Variants in MAMDC2 observed in about 807,000 individuals in gnomAD.
The protein encoded by MAMDC2 is MAM domain containing 2.
A neutral mutation model predicts 89.8 loss-of-function variants in MAMDC2; 57 were observed. That is an observed-to-expected ratio of 0.63 (90% CI 0.51 to 0.79). MAMDC2 has a LOEUF of 0.79. MAMDC2 is among the 30% of genes least tolerant of loss of function. The pLI is 0.00. For synonymous variants in MAMDC2, 313 were observed against 293.4 expected, an observed-to-expected ratio of 1.07 and a Z score of -0.68; for missense variants, 800 against 820.6, an observed-to-expected ratio of 0.97 and a Z score of 0.31.
intron 11 of MAMDC2, among the ~76,000 whole-genome samples, chr9:70,215,731 A>G (rs1427864968): frequency 6.6e-6 from 1 of 152,218 alleles, no homozygotes; most frequent in Non-Finnish European, 1.5e-5. Flanking sequence ...TCTTTGGGGC[A>G]GCGTCATTCC....
intron 11 of MAMDC2, among the ~76,000 whole-genome samples, chr9:70,181,936 T>G (rs1419325697): frequency 1.3e-5 from 2 of 152,168 alleles, no homozygotes; most frequent in African/African-American, 2.4e-5. Flanking sequence ...CTTTGCCAGT[T>G]TTCAAAGGGA....
chr9:70,166,323 A>G (rs1207474940), intron 9 of MAMDC2, among the ~76,000 whole-genome samples: 2 of 151,220 alleles, frequency 1.3e-5, no homozygotes, highest in African/African-American at 4.9e-5. Flanking sequence ...ATATACATAC[A>G]CATATATATA....
intron 11 of MAMDC2, among the ~76,000 whole-genome samples, chr9:70,199,448 C>G (rs2033050945): frequency 6.7e-6 from 1 of 149,598 alleles, no homozygotes; most frequent in Admixed American, 6.7e-5. Context: ...TCCAGTCTAT[C>G]ATTGTTGGAC....
chr9:70,128,075 C>T (rs141699347), intron 6 of MAMDC2, among the ~76,000 whole-genome samples: 100 of 152,354 alleles, frequency 6.6e-4, no homozygotes, highest in Admixed American at 1.9e-3. Context: ...CTAGTCTGAA[C>T]TATTCACTGG....
chr9:70,096,890 C>T (rs1286804777), intron 2 of MAMDC2, among the ~76,000 whole-genome samples: 2 of 152,164 alleles, frequency 1.3e-5, no homozygotes, highest in Non-Finnish European at 2.9e-5. Flanking sequence ...GTTGATGCTG[C>T]TGCCATGCGA....
At chr9:70,079,820 C>A (rs967495314) in intron 2 of MAMDC2, among the ~76,000 whole-genome samples, 2 of 152,152 alleles carry the variant, frequency 1.3e-5, no homozygotes, top group African/African-American at 2.4e-5. Context: ...GACAGGTGTG[C>A]CTTCGGCCTG....
At chr9:70,199,115 G>C (rs546679536) in intron 11 of MAMDC2, among the ~76,000 whole-genome samples, 5 of 149,888 alleles carry the variant, frequency 3.3e-5, no homozygotes, top group African/African-American at 1.2e-4. Flanking sequence ...GTACAGGTTA[G>C]TTACATATGT....
chr9:70,142,139 G>C (rs950305772), intron 8 of MAMDC2, among the ~76,000 whole-genome samples: 3 of 152,174 alleles, frequency 2.0e-5, no homozygotes, highest in Admixed American at 2.0e-4. Flanking sequence ...AGACAGAATA[G>C]AGGGAAGAAT....
intron 11 of MAMDC2, among the ~76,000 whole-genome samples, chr9:70,185,682 C>T (rs750361947): frequency 2.0e-5 from 3 of 152,146 alleles, no homozygotes; most frequent in Non-Finnish European, 2.9e-5. Context: ...TAGCACTGTC[C>T]GGGAAAAACT....
intron 2 of MAMDC2, among the ~76,000 whole-genome samples, chr9:70,060,233 A>G (rs570184616): frequency 6.6e-6 from 1 of 152,338 alleles, no homozygotes; most frequent in Admixed American, 6.5e-5. Context: ...CCTGTGCCCA[A>G]CACAGTGTTT....
At position 70,200,514 on chromosome 9, in the gene MAMDC2, A is replaced by G. The variant is rs533889349; in HGVS notation, c.1652-17823A>G. Among the ~76,000 whole-genome samples the G allele has an allele frequency of 8.6e-4, 131 of 151,990 alleles. 1 individual carries two copies. Among genetic ancestry groups the G allele is most frequent in the African/African-American group, 3.1e-3 (128 of 41,432 alleles). ...TCCTCCAGCTTTGTTCTTTTGGCTT[A>G]GGATTGACTTGGCGATGCGGGCTCT... On this transcript the variant is annotated intron_variant, in intron 11 of 13. Transcript: ENST00000377182.
At chr9:70,179,533 AAAT>A (rs1474274401) in intron 11 of MAMDC2, among the ~76,000 whole-genome samples, 3 of 132,894 alleles carry the variant, frequency 2.3e-5, no homozygotes, top group African/African-American at 8.1e-5. Context: ...CAAAAAAAAT[AAAT>A]AAATAAATAA....
chr9:70,108,613 T>C, intron 3 of MAMDC2, 131 bp downstream of exon 3: 1 of 727,668 alleles, frequency 1.4e-6, no homozygotes, highest in East Asian at 3.0e-5. Context: ...ATAAGATACA[T>C]ACCATAGAAG....
At chr9:70,217,388 A>G in intron 11 of MAMDC2, 1 of 1,331,530 alleles carries the variant, frequency 7.5e-7, no homozygotes, top group Middle Eastern at 2.1e-4. Context: ...GGAGAGTCGG[A>G]AGAAATTCAA....
At chr9:70,190,632 T>TA (rs1411800195) in intron 11 of MAMDC2, among the ~76,000 whole-genome samples, 1 of 152,046 alleles carries the variant, frequency 6.6e-6, no homozygotes, top group African/African-American at 2.4e-5. Flanking sequence ...AGAAATATGT[T>TA]AGAGCTTTGT....
chr9:70,064,568 T>G (rs1414459909), intron 2 of MAMDC2, among the ~76,000 whole-genome samples: 1 of 151,872 alleles, frequency 6.6e-6, no homozygotes, highest in Non-Finnish European at 1.5e-5. Context: ...AGAGAAGGGG[T>G]GTGTGTGTGA....
chr9:70,074,085 C>T (rs945512674), intron 2 of MAMDC2, among the ~76,000 whole-genome samples: 1 of 152,162 alleles, frequency 6.6e-6, no homozygotes, highest in Non-Finnish European at 1.5e-5. Flanking sequence ...GGGTAAGAAC[C>T]CTGCCCTTAA....
intron 11 of MAMDC2, among the ~76,000 whole-genome samples, chr9:70,191,605 C>T (rs2032882330): frequency 6.6e-6 from 1 of 152,040 alleles, no homozygotes; most frequent in South Asian, 2.1e-4. Context: ...AGAGTTCAAC[C>T]TGTTCTCCAG....
At chr9:70,049,814 GGCTGT>G (rs1162325269) in intron 2 of MAMDC2, among the ~76,000 whole-genome samples, 2 of 152,188 alleles carry the variant, frequency 1.3e-5, no homozygotes, top group African/African-American at 4.8e-5. Context: ...GGTTGAGCAT[GGCTGT>G]GCTGTGCTGT....
Sources: gnomAD v4.1 joint callset for allele counts (sites outside exome capture counted in the v4.1 genomes callset) on GRCh38, gnomAD v4.1.1 for gene constraint, MANE v1.5 for transcripts, NCBI Gene and HGNC (gene_info 2026-07-23, HGNC 2026-07-21) for gene names.